PPP1R12B: variants seen among roughly 807,000 people sequenced by gnomAD.
PPP1R12B encodes the protein protein phosphatase 1 regulatory subunit 12B.
Under a neutral mutation model 126.1 loss-of-function variants are expected in PPP1R12B, and 76 were observed. That is an observed-to-expected ratio of 0.60 (90% CI 0.50 to 0.73). The LOEUF is 0.73. Ranked by LOEUF, PPP1R12B falls within the 30% of genes least tolerant of loss-of-function variation. PPP1R12B has a pLI of 0.00. For synonymous variants in PPP1R12B, 356 were observed against 434.7 expected (o/e 0.82, Z 2.25); for missense variants, 1,052 against 1,205.1 (o/e 0.87, Z 1.88).
chr1:202,506,315 C>G (rs555931457), intron 18 of PPP1R12B, among the ~76,000 whole-genome samples: 3 of 152,230 alleles, frequency 2.0e-5, no homozygotes, highest in Admixed American at 1.3e-4. Context: ...TTGCTGTAGC[C>G]CAAGCTGTAT....
intron 1 of PPP1R12B, among the ~76,000 whole-genome samples, chr1:202,389,820 G>A (rs1433377146): frequency 4.6e-5 from 7 of 151,654 alleles, no homozygotes; most frequent in East Asian, 1.9e-4. Context: ...CCAGCTACTC[G>A]GGAGGCTGAG....
Position 202,470,838 on chromosome 1 carries a change from G to A in PPP1R12B, c.1851-17695G>A, listed in dbSNP as rs557209313. Among the ~76,000 whole-genome samples, 256 of 151,688 alleles carry A rather than the reference G, an allele frequency of 1.7e-3. 1 individual carries two copies. Among genetic ancestry groups the A allele is most frequent in the Non-Finnish European group, 2.9e-3 (197 of 67,926 alleles). On this transcript the variant is annotated intron_variant, in intron 13 of 23. Transcript: ENST00000608999. ...GAGGATCACTTGAGCCCAGGAGGTC[G>A]AGGCTGTAGTGAGCTATGATCATGC...
chr1:202,450,233 G>A (rs1016204791), intron 13 of PPP1R12B, among the ~76,000 whole-genome samples: 4 of 152,160 alleles, frequency 2.6e-5, no homozygotes, highest in African/African-American at 9.7e-5. Flanking sequence ...AAAAAGAAAT[G>A]AATAATATGT....
At chr1:202,363,119 C>G (rs1474268798) in intron 1 of PPP1R12B, among the ~76,000 whole-genome samples, 1 of 152,200 alleles carries the variant, frequency 6.6e-6, no homozygotes, top group African/African-American at 2.4e-5. Flanking sequence ...CAGGCATGAG[C>G]CACCATATCC....
intron 18 of PPP1R12B, among the ~76,000 whole-genome samples, chr1:202,528,970 A>G (rs1373147956): frequency 6.6e-6 from 1 of 152,156 alleles, no homozygotes; most frequent in Admixed American, 6.6e-5. Flanking sequence ...GGAAGGGGAC[A>G]AAGTGATCTC....
intron 1 of PPP1R12B, among the ~76,000 whole-genome samples, chr1:202,354,919 G>A (rs917603471): frequency 2.7e-5 from 4 of 150,548 alleles, no homozygotes; most frequent in African/African-American, 7.3e-5. Context: ...TCTGCCTCCC[G>A]GGTTCACGCC....
Position 202,564,538 on chromosome 1 carries a change from G to T in PPP1R12B, c.2748G>T (p.Lys916Asn). ...ELADIKSKLE[K>N]VAQQKQEKTS... Reference sequence around the variant, plus strand: ...CAGATATAAAGTCCAAGCTTGAGAAGGTGGCCCAGGTAAGACGGAAGAAGA... The same window carrying T: ...CAGATATAAAGTCCAAGCTTGAGAATGTGGCCCAGGTAAGACGGAAGAAGA... Residue 916 changes from lysine (K) to asparagine (N), a missense_variant, in exon 21 of 24, where the codon AAG (lysine) becomes AAT (asparagine). Lys to Asn is a moderately conservative substitution (Grantham distance 94, BLOSUM62 0). Transcript: ENST00000608999. 6.2e-7 allele frequency: 1 copy of T among 1,609,196 alleles called. No individual in the cohort carries two copies. Among genetic ancestry groups the T allele is most frequent in the Non-Finnish European group, 8.5e-7 (1 of 1,176,908 alleles).
chr1:202,371,799 A>G (rs1262536574), intron 1 of PPP1R12B, among the ~76,000 whole-genome samples: 1 of 151,946 alleles, frequency 6.6e-6, no homozygotes, highest in Non-Finnish European at 1.5e-5. Context: ...GCGTTATTCA[A>G]AAGAAGTTTT....
chr1:202,436,026 A>T (rs573218176), intron 9 of PPP1R12B, among the ~76,000 whole-genome samples: 46 of 152,256 alleles, frequency 3.0e-4, no homozygotes, highest in African/African-American at 1.0e-3. Context: ...TTGGGAGGCC[A>T]AGGTGGGCAA....
At chr1:202,392,981 T>C (rs369762689) in intron 1 of PPP1R12B, among the ~76,000 whole-genome samples, 7 of 152,328 alleles carry the variant, frequency 4.6e-5, no homozygotes, top group East Asian at 3.9e-4. Context: ...GATCTCTCTC[T>C]ATTGCCCAGG....
rs533732456 is a variant in PPP1R12B at position 202,375,874 on chromosome 1, A to AT, written c.291+26733dup. Reference sequence around the variant, plus strand: ...CTTTGTTTCTTATAGCTTACCTGTCATAACACTTGTCATATAGTCTTATAG... The same window carrying AT: ...CTTTGTTTCTTATAGCTTACCTGTCATTAACACTTGTCATATAGTCTTATAG... On this transcript the variant is annotated intron_variant, in intron 1 of 23. Transcript: ENST00000608999. Among the ~76,000 whole-genome samples the AT allele has an allele frequency of 9.5e-4, 144 of 152,334 alleles. 1 individual carries two copies. Among genetic ancestry groups the AT allele is most frequent in the African/African-American group, 3.3e-3 (138 of 41,576 alleles).
intron 18 of PPP1R12B, among the ~76,000 whole-genome samples, chr1:202,530,042 G>A (rs1380004870): frequency 1.3e-5 from 2 of 152,100 alleles, no homozygotes; most frequent in African/African-American, 4.8e-5. Context: ...TACTTATTCA[G>A]TGTTTAACTG....
intron 13 of PPP1R12B, among the ~76,000 whole-genome samples, chr1:202,450,698 T>C (rs1228314229): frequency 1.3e-5 from 2 of 152,240 alleles, no homozygotes. Context: ...TTCTGAGTTC[T>C]CTACTCTGTT....
chr1:202,434,316 C>T (rs111393220), intron 8 of PPP1R12B, among the ~76,000 whole-genome samples: 79 of 152,226 alleles, frequency 5.2e-4, no homozygotes, highest in African/African-American at 1.8e-3. Flanking sequence ...TGGAAATTAT[C>T]TGCATAAGAA....
At chr1:202,486,998 T>A (rs1678223914) in intron 13 of PPP1R12B, among the ~76,000 whole-genome samples, 1 of 152,110 alleles carries the variant, frequency 6.6e-6, no homozygotes, top group Non-Finnish European at 1.5e-5. Flanking sequence ...GAAGGGAAAA[T>A]TATAAGCCAA....
intron 18 of PPP1R12B, among the ~76,000 whole-genome samples, chr1:202,506,481 G>T (rs1680816883): frequency 6.6e-6 from 1 of 152,270 alleles, no homozygotes; most frequent in East Asian, 1.9e-4. Flanking sequence ...CATTACATCA[G>T]TGAATTCTGC....
intron 1 of PPP1R12B, among the ~76,000 whole-genome samples, chr1:202,350,240 C>G (rs556262543): frequency 2.0e-5 from 3 of 152,126 alleles, no homozygotes; most frequent in Non-Finnish European, 4.4e-5. Context: ...CTATTTTGTA[C>G]CCATTTTTTT....
chr1:202,403,758 TG>T (rs1406082921), intron 1 of PPP1R12B, among the ~76,000 whole-genome samples: 1 of 152,350 alleles, frequency 6.6e-6, no homozygotes, highest in East Asian at 1.9e-4. Flanking sequence ...TAGCACTAGT[TG>T]GGAATCAGAA....
intron 8 of PPP1R12B, among the ~76,000 whole-genome samples, chr1:202,432,691 C>T (rs1235015307): frequency 6.6e-6 from 1 of 152,190 alleles, no homozygotes; most frequent in Non-Finnish European, 1.5e-5. Flanking sequence ...GTCAGGCAAA[C>T]ACTGAGAAAA....
Sources: gnomAD v4.1 joint callset for allele counts (sites outside exome capture counted in the v4.1 genomes callset) on GRCh38, gnomAD v4.1.1 for gene constraint, MANE v1.5 for transcripts, NCBI Gene and HGNC (gene_info 2026-07-23, HGNC 2026-07-21) for gene names.